The following CEMIP2 variants were observed in gnomAD, a reference collection of about 807,000 sequenced individuals.
The protein encoded by CEMIP2 is cell surface hyaluronidase CEMIP2.
In CEMIP2, 79 loss-of-function variants were observed where a neutral mutation model predicts 146.9. The ratio of observed to expected loss-of-function variants is 0.54; its 90% CI spans 0.45 to 0.65. CEMIP2 has a LOEUF of 0.65. Ranked by LOEUF, CEMIP2 falls within the 30% of genes least tolerant of loss-of-function variation. The pLI is 0.00. For missense variants in CEMIP2, 1,596 were observed against 1,696.2 expected (o/e 0.94, Z 1.04); for synonymous variants, 601 against 606.3 (o/e 0.99, Z 0.13).
chr9:71,725,630 A>T lies in CEMIP2; in HGVS notation c.2129T>A (p.Leu710His). Residue 710 changes from leucine (L) to histidine (H), a missense_variant, in exon 11 of 24, where the codon CTC becomes CAC. Coordinates refer to ENST00000377044, the MANE Select transcript of CEMIP2 (RefSeq NM_013390.3). ...SGLQLLAKPE[L>H]TPLGIFYNNR... is the part of the protein sequence containing the mutation. The stretch of plus-strand genomic sequence containing the variant: ...GTTATAAAATATACCCAATGGAGTG[A>T]GTTCTGGTTTTGCCAAGAGCTGCAA... 6.2e-7 allele frequency: 1 copy of T among 1,614,046 alleles called. No individual in the cohort carries two copies. Among genetic ancestry groups the T allele is most frequent in the Non-Finnish European group, 8.5e-7 (1 of 1,179,976 alleles).
At chr9:71,765,774 C>G (rs779647213) in intron 1 of CEMIP2, among the ~76,000 whole-genome samples, 1 of 152,162 alleles carries the variant, frequency 6.6e-6, no homozygotes, top group Non-Finnish European at 1.5e-5. Context: ...TGTCATCTCT[C>G]TAGTTGCAAG....
At chr9:71,714,002 C>T (rs1304997932) in intron 15 of CEMIP2, among the ~76,000 whole-genome samples, 1 of 152,140 alleles carries the variant, frequency 6.6e-6, no homozygotes, top group Non-Finnish European at 1.5e-5. Context: ...CGATATTCCA[C>T]AACAACAAGC....
chr9:71,760,496 T>C (rs62544887), intron 1 of CEMIP2, among the ~76,000 whole-genome samples: 9,750 of 145,476 alleles, frequency 0.067, 770 homozygotes, highest in South Asian at 0.18. Flanking sequence ...GGCAGCTGTC[T>C]AATTTTTCTG....
rs569059082 is a variant in CEMIP2 at position 71,694,697 on chromosome 9, G to A, written c.3598-90C>T. On this transcript the variant is annotated intron_variant, in intron 20 of 23. Coordinates refer to ENST00000377044, the MANE Select transcript of CEMIP2 (RefSeq NM_013390.3). ...ATAAAGTTAATTATAATTAAAGCCA[G>A]TGGTTGTATTTCTTATTCTGAACTT... The A allele has an allele frequency of 1.2e-4, 99 of 805,720 alleles. No homozygotes were observed. The African/African-American group carries it at 1.7e-3, about 13-fold the overall frequency. The allele number at this position is 805,720 out of a possible 1,614,324, so 49.9% of individuals were successfully genotyped here.
At chr9:71,742,342 C>T (rs1823946985) in intron 4 of CEMIP2, among the ~76,000 whole-genome samples, 1 of 152,198 alleles carries the variant, frequency 6.6e-6, no homozygotes, top group South Asian at 2.1e-4. Flanking sequence ...AGAATTATCA[C>T]AGGCTTCCTT....
intron 14 of CEMIP2, 133 bp downstream of exon 14, chr9:71,716,384 G>T: frequency 1.5e-6 from 1 of 658,764 alleles, no homozygotes; most frequent in Non-Finnish European, 2.5e-6. Flanking sequence ...CCCTCTAGTG[G>T]CATCAGGAAG....
At position 71,712,116 on chromosome 9, in the gene CEMIP2, C is replaced by A. The variant is rs1393900399; in HGVS notation, c.2736G>T (p.Arg912Ser). 2 of 1,613,974 alleles carry A rather than the reference C, an allele frequency of 1.2e-6. No individual in the cohort carries two copies. Among genetic ancestry groups the A allele is most frequent in the East Asian group, 4.5e-5 (2 of 44,894 alleles). ...CAAACTTCACGAGGGAGATATTATTCCTGGGGGTTATCTGCCAGGAATTCT... is the reference window on the plus strand; with the variant it reads ...CAAACTTCACGAGGGAGATATTATTACTGGGGGTTATCTGCCAGGAATTCT... ...LMKNSWQITPRNNISLVKFGP... is the reference protein window; with the variant it reads ...LMKNSWQITPSNNISLVKFGP... Residue 912 changes from arginine to serine, a missense_variant, in exon 16 of 24, where the codon AGG becomes AGT. Transcript: ENST00000377044.
intron 1 of CEMIP2, among the ~76,000 whole-genome samples, chr9:71,754,160 T>G (rs1430460639): frequency 1.3e-5 from 2 of 152,164 alleles, no homozygotes; most frequent in African/African-American, 4.8e-5. Context: ...CACGTATACC[T>G]ATGTAACAAA....
chr9:71,758,578 G>A (rs1302662012), intron 1 of CEMIP2, among the ~76,000 whole-genome samples: 3 of 152,112 alleles, frequency 2.0e-5, no homozygotes, highest in South Asian at 2.1e-4. Flanking sequence ...TAGATGAACC[G>A]AACCTCACAG....
At chr9:71,765,004 G>C (rs1374343205) in intron 1 of CEMIP2, among the ~76,000 whole-genome samples, 1 of 151,794 alleles carries the variant, frequency 6.6e-6, no homozygotes, top group Non-Finnish European at 1.5e-5. Context: ...GCAGAGGGGA[G>C]AATGGATGTT....
chr9:71,753,985 G>T (rs1030086752), intron 1 of CEMIP2, among the ~76,000 whole-genome samples: 1 of 152,116 alleles, frequency 6.6e-6, no homozygotes, highest in Non-Finnish European at 1.5e-5. Context: ...TTGACCACAT[G>T]TTCTCACTCA....
At chr9:71,707,175 TC>T (rs1822769584) in intron 17 of CEMIP2, among the ~76,000 whole-genome samples, 1 of 152,156 alleles carries the variant, frequency 6.6e-6, no homozygotes, top group South Asian at 2.1e-4. Context: ...CGTCTATAGT[TC>T]CTAGGCATTG....
intron 5 of CEMIP2, among the ~76,000 whole-genome samples, chr9:71,738,485 A>G (rs1823822883): frequency 6.6e-6 from 1 of 151,946 alleles, no homozygotes. Flanking sequence ...ACTGCACTCC[A>G]GCCTGGGCGA....
intron 12 of CEMIP2, among the ~76,000 whole-genome samples, chr9:71,720,235 A>T (rs980456070): frequency 2.0e-5 from 3 of 151,816 alleles, no homozygotes; most frequent in African/African-American, 7.3e-5. Context: ...CCATCTTTGG[A>T]TTCCTATATT....
chr9:71,696,378 G>C (rs1421446084), intron 20 of CEMIP2, among the ~76,000 whole-genome samples: 1 of 151,822 alleles, frequency 6.6e-6, no homozygotes, highest in Non-Finnish European at 1.5e-5. Context: ...GTTGTTGTTG[G>C]TTTCTCTGGT....
At chr9:71,753,252 G>T (rs1470846969) in intron 1 of CEMIP2, among the ~76,000 whole-genome samples, 1 of 151,872 alleles carries the variant, frequency 6.6e-6, no homozygotes, top group Non-Finnish European at 1.5e-5. Context: ...TTGTTTCAGG[G>T]TGAGAGATAT....
chr9:71,750,026 C>T lies in CEMIP2; in HGVS notation c.331+17G>A. 1 of 1,572,140 alleles carries T rather than the reference C, an allele frequency of 6.4e-7. No homozygotes were observed. The highest frequency in any genetic ancestry group is 8.6e-7 in the Non-Finnish European group (1 of 1,158,350). On this transcript the variant is annotated intron_variant, in intron 2 of 23. Transcript: ENST00000377044. ...TGTCTTCTAGAATATGTTCTATGTG[C>T]ATATACACACACTTACCATCTGGAG...
chr9:71,694,127 ATTTATTT>A (rs1822317175), intron 21 of CEMIP2, among the ~76,000 whole-genome samples: 2 of 112,480 alleles, frequency 1.8e-5, no homozygotes, highest in South Asian at 6.3e-4. Flanking sequence ...TTATTTATTT[ATTTATTT>A]ATTTTGGAGA....
intron 14 of CEMIP2, 81 bp from the exon 15 acceptor site, chr9:71,715,170 A>T: frequency 6.7e-7 from 1 of 1,485,080 alleles, no homozygotes; most frequent in Non-Finnish European, 9.0e-7. Context: ...GCTATAACTG[A>T]AAAGCTAAAA....
Sources: gnomAD v4.1 joint callset for allele counts (sites outside exome capture counted in the v4.1 genomes callset) on GRCh38, gnomAD v4.1.1 for gene constraint, MANE v1.5 for transcripts, NCBI Gene and HGNC (gene_info 2026-07-23, HGNC 2026-07-21) for gene names.